AGTPBP1: variants seen among roughly 807,000 people sequenced by gnomAD.
AGTPBP1 encodes ATP/GTP binding carboxypeptidase 1.
A neutral mutation model predicts 143.9 loss-of-function variants in AGTPBP1; 70 were observed. The observed-to-expected ratio is 0.49, with a 90% confidence interval of 0.40 to 0.59. The LOEUF (loss-of-function observed/expected upper bound fraction) is 0.59. AGTPBP1 is among the 20% of genes least tolerant of loss of function. AGTPBP1 has a pLI of 0.00. For synonymous variants in AGTPBP1, 463 were observed against 500.2 expected (o/e 0.93, Z 0.99); for missense variants, 1,229 against 1,464.5 (o/e 0.84, Z 2.62).
chr9:85,662,462 T>C (rs200442693), intron 8 of AGTPBP1, among the ~76,000 whole-genome samples: 3 of 152,290 alleles, frequency 2.0e-5, no homozygotes, highest in East Asian at 3.9e-4. Flanking sequence ...TTTACACTTA[T>C]GCAATAAAAT....
chr9:85,606,551 G>C (rs1244422311), intron 17 of AGTPBP1, among the ~76,000 whole-genome samples: 1 of 151,872 alleles, frequency 6.6e-6, no homozygotes, highest in African/African-American at 2.4e-5. Flanking sequence ...CCCACTACTG[G>C]GTATTTATCC....
At chr9:85,767,144 T>C in the AGTPBP1 span, among the ~76,000 whole-genome samples, 1 of 150,950 alleles carries the variant, frequency 6.6e-6, no homozygotes, top group African/African-American at 2.4e-5. Context: ...TCTAATCTTT[T>C]AAACTTTTAA....
chr9:85,805,080 G>A, the AGTPBP1 span, among the ~76,000 whole-genome samples: 1 of 152,150 alleles, frequency 6.6e-6, no homozygotes, highest in South Asian at 2.1e-4. Context: ...CCCGAAGACC[G>A]TGGCGCCGCC....
chr9:85,716,132 C>T (rs933942372), intron 1 of AGTPBP1, among the ~76,000 whole-genome samples: 1 of 152,182 alleles, frequency 6.6e-6, no homozygotes, highest in African/African-American at 2.4e-5. Flanking sequence ...CCACCAACAC[C>T]ATTCTTATCA....
chr9:85,555,338 G>A (rs1247943577), intron 25 of AGTPBP1, among the ~76,000 whole-genome samples: 2 of 152,280 alleles, frequency 1.3e-5, no homozygotes, highest in Non-Finnish European at 1.5e-5. Flanking sequence ...AGTGGTACAC[G>A]CCTGTAATCC....
chr9:85,614,387 G>C (rs1470324400), intron 17 of AGTPBP1, among the ~76,000 whole-genome samples: 1 of 151,978 alleles, frequency 6.6e-6, no homozygotes, highest in Admixed American at 6.6e-5. Flanking sequence ...TTGAAAATAG[G>C]AGTACTCTTT....
In AGTPBP1 at chr9:85,692,693, A is replaced by G; in HGVS notation, c.153T>C (p.Ser51=). Residue 51 remains serine, a synonymous_variant, in exon 3 of 26, where the codon AGT becomes AGC. Transcript: ENST00000357081. ...VTSKILHLAQ[S]QEKTRREMTA... ...AAAGAAGAGATCAATGTTTACCTTG[A>G]CTCTGAGCCAGATGAAGAATTTTTG... 6.2e-7 allele frequency: 1 copy of G among 1,613,586 alleles called. No homozygotes were observed. The highest frequency in any genetic ancestry group is 8.5e-7 in the Non-Finnish European group (1 of 1,179,864).
chr9:85,593,047 T>G (rs1829071651), intron 18 of AGTPBP1, among the ~76,000 whole-genome samples: 1 of 152,196 alleles, frequency 6.6e-6, no homozygotes, highest in African/African-American at 2.4e-5. Context: ...GAAAGGTTGA[T>G]GGACACCTTT....
intron 2 of AGTPBP1, among the ~76,000 whole-genome samples, chr9:85,712,204 T>C (rs1273197031): frequency 2.0e-5 from 3 of 151,796 alleles, no homozygotes; most frequent in Non-Finnish European, 4.4e-5. Flanking sequence ...GCAGAGGTTG[T>C]AGTGAGCCGA....
intron 13 of AGTPBP1, among the ~76,000 whole-genome samples, chr9:85,639,381 A>G (rs910563150): frequency 7.2e-5 from 11 of 152,022 alleles, no homozygotes; most frequent in African/African-American, 9.7e-5. Flanking sequence ...ACACACACAC[A>G]CACACACACA....
intron 2 of AGTPBP1, among the ~76,000 whole-genome samples, chr9:85,704,376 C>T (rs952179285): frequency 6.6e-6 from 1 of 151,936 alleles, no homozygotes; most frequent in African/African-American, 2.4e-5. Flanking sequence ...CTACCCAAGA[C>T]TAGGAAAAAA....
chr9:85,573,020 C>T (rs10780731), intron 25 of AGTPBP1, among the ~76,000 whole-genome samples: 22,045 of 152,046 alleles, frequency 0.14, 2,278 homozygotes, highest in East Asian at 0.51. Context: ...ATACACAAAA[C>T]CATAAAATGC....
At chr9:85,754,412 G>A in the AGTPBP1 span, among the ~76,000 whole-genome samples, 22 of 152,178 alleles carry the variant, frequency 1.4e-4, no homozygotes, top group East Asian at 9.7e-4. Context: ...GGATGGTTTC[G>A]ATTTCGTGAT....
Position 85,681,250 on chromosome 9 carries a change from A to G in AGTPBP1, c.225+18T>C, listed in dbSNP as rs781008188. The G allele has an allele frequency of 1.2e-5, 19 of 1,610,086 alleles. No homozygotes were observed. The East Asian group carries it at 4.2e-4, about 36-fold the overall frequency. On this transcript the variant is annotated intron_variant, in intron 4 of 25. Transcript: ENST00000357081. The stretch of plus-strand genomic sequence containing the variant: ...TTGGCATTAGTAGTTACATAATTAA[A>G]GCGTGTCACTGATTTACCTCTAATG...
chr9:85,645,303 A>C (rs1008005409), intron 12 of AGTPBP1, among the ~76,000 whole-genome samples: 2 of 152,198 alleles, frequency 1.3e-5, no homozygotes, highest in African/African-American at 4.8e-5. Flanking sequence ...TGAATAGTGA[A>C]TAATGCAAGC....
intron 2 of AGTPBP1, among the ~76,000 whole-genome samples, chr9:85,702,361 T>C (rs1354127819): frequency 6.6e-6 from 1 of 152,186 alleles, no homozygotes; most frequent in Non-Finnish European, 1.5e-5. Context: ...ACTTTCTCCA[T>C]TACTATTCTT....
chr9:85,627,612 C>T (rs1831384737), intron 14 of AGTPBP1, among the ~76,000 whole-genome samples: 1 of 152,180 alleles, frequency 6.6e-6, no homozygotes, highest in Non-Finnish European at 1.5e-5. Flanking sequence ...CCCTGAACAA[C>T]ACAGGTTTCA....
chr9:85,636,044 A>G (rs1832020484), intron 13 of AGTPBP1, among the ~76,000 whole-genome samples: 1 of 152,046 alleles, frequency 6.6e-6, no homozygotes, highest in Admixed American at 6.6e-5. Context: ...CAGCTCCTGG[A>G]GTTTCCACAT....
intron 2 of AGTPBP1, among the ~76,000 whole-genome samples, chr9:85,700,287 T>C (rs942624561): frequency 2.0e-5 from 3 of 152,082 alleles, no homozygotes; most frequent in Non-Finnish European, 2.9e-5. Context: ...TAATTCCTGC[T>C]CACATTACGT....
Sources: gnomAD v4.1 joint callset for allele counts (sites outside exome capture counted in the v4.1 genomes callset) on GRCh38, gnomAD v4.1.1 for gene constraint, MANE v1.5 for transcripts, NCBI Gene and HGNC (gene_info 2026-07-23, HGNC 2026-07-21) for gene names.